Variants in HEMK2 observed in about 807,000 individuals in gnomAD.
HEMK2 encodes the protein HemK methyltransferase 2, ETF1 glutamine and histone H4 lysine.
the HEMK2 span, among the ~76,000 whole-genome samples, chr21:28,838,644 T>G: frequency 6.9e-6 from 1 of 145,224 alleles, no homozygotes; most frequent in Non-Finnish European, 1.5e-5. Context: ...CAACAATATA[T>G]AAAAAAGATC....
At chr21:28,883,870 C>T in the HEMK2 span, among the ~76,000 whole-genome samples, 17 of 152,116 alleles carry the variant, frequency 1.1e-4, no homozygotes, top group Non-Finnish European at 1.6e-4. Flanking sequence ...ACTATAGGCA[C>T]GAACCACAGT....
chr21:28,681,088 A>G, the HEMK2 span, among the ~76,000 whole-genome samples: 3 of 152,208 alleles, frequency 2.0e-5, no homozygotes, highest in African/African-American at 7.2e-5. Flanking sequence ...AGGGCATTCA[A>G]TTAGGAAAAG....
the HEMK2 span, among the ~76,000 whole-genome samples, chr21:28,863,640 C>G: frequency 2.0e-3 from 307 of 151,248 alleles, 4 homozygotes; most frequent in African/African-American, 7.2e-3. Context: ...AGGAAAAAGC[C>G]CTTACGTATA....
chr21:28,848,989 GCTGA>G, the HEMK2 span, among the ~76,000 whole-genome samples: 1 of 152,148 alleles, frequency 6.6e-6, no homozygotes. Context: ...CCCCACCCCA[GCTGA>G]CACGCATACA....
At chr21:28,658,838 C>T in the HEMK2 span, among the ~76,000 whole-genome samples, 1 of 152,044 alleles carries the variant, frequency 6.6e-6, no homozygotes, top group African/African-American at 2.4e-5. Flanking sequence ...TAGCACTTTA[C>T]GTTAATTGCT....
chr21:28,778,389 C>T, the HEMK2 span, among the ~76,000 whole-genome samples: 1 of 152,200 alleles, frequency 6.6e-6, no homozygotes, highest in Non-Finnish European at 1.5e-5. Context: ...CTTTTATACA[C>T]ATTCATCAAC....
the HEMK2 span, among the ~76,000 whole-genome samples, chr21:28,787,419 AACAGACAACCC>A: frequency 1.0e-5 from 1 of 99,958 alleles, no homozygotes; most frequent in Non-Finnish European, 2.0e-5. Context: ...CAGCAGAGTA[AACAGACAACCC>A]ACAGAGTGGG....
chr21:28,762,225 A>G, the HEMK2 span, among the ~76,000 whole-genome samples: 1 of 152,056 alleles, frequency 6.6e-6, no homozygotes, highest in Non-Finnish European at 1.5e-5. Flanking sequence ...TATTAATACC[A>G]TTATTGGCCC....
At chr21:28,855,188 A>T in the HEMK2 span, among the ~76,000 whole-genome samples, 5 of 150,800 alleles carry the variant, frequency 3.3e-5, no homozygotes, top group East Asian at 9.7e-4. Context: ...GCAAACAGTA[A>T]AAAAAAAAGC....
At chr21:28,702,914 G>A in the HEMK2 span, among the ~76,000 whole-genome samples, 3 of 152,244 alleles carry the variant, frequency 2.0e-5, no homozygotes, top group South Asian at 6.2e-4. Context: ...CAACCTAAAT[G>A]CCCATCAATG....
the HEMK2 span, among the ~76,000 whole-genome samples, chr21:28,772,177 T>C: frequency 6.6e-6 from 1 of 152,134 alleles, no homozygotes; most frequent in Non-Finnish European, 1.5e-5. Context: ...ACAAATCCCA[T>C]GGGCTTCAGT....
chr21:28,715,426 G>A, the HEMK2 span, among the ~76,000 whole-genome samples: 5 of 152,052 alleles, frequency 3.3e-5, no homozygotes, highest in East Asian at 9.7e-4. Context: ...ATATTTGTTG[G>A]CCACTTGTAT....
chr21:28,707,643 T>C, the HEMK2 span, among the ~76,000 whole-genome samples: 1 of 152,142 alleles, frequency 6.6e-6, no homozygotes, highest in Non-Finnish European at 1.5e-5. Context: ...GTTTTTCTAC[T>C]ACATTTAGTT....
the HEMK2 span, among the ~76,000 whole-genome samples, chr21:28,861,276 C>G: frequency 1 from 152,337 of 152,338 alleles, 76,168 homozygotes; most frequent in Middle Eastern, 1. Context: ...GGTGGGCATA[C>G]CTGCTGTAAT....
chr21:28,859,988 T>C, the HEMK2 span, among the ~76,000 whole-genome samples: 11 of 152,298 alleles, frequency 7.2e-5, no homozygotes, highest in South Asian at 2.3e-3. Flanking sequence ...GACCTTATTA[T>C]TGTCTTTATT....
the HEMK2 span, among the ~76,000 whole-genome samples, chr21:28,838,361 C>T: frequency 1.3e-5 from 2 of 151,686 alleles, no homozygotes; most frequent in South Asian, 2.1e-4. Flanking sequence ...GGTGAAACCC[C>T]GTCTCTACTA....
the HEMK2 span, among the ~76,000 whole-genome samples, chr21:28,865,252 G>A: frequency 6.6e-6 from 1 of 152,198 alleles, no homozygotes; most frequent in African/African-American, 2.4e-5. Context: ...TGCAACCTCC[G>A]CCTCCTGGGT....
At chr21:28,814,026 AG>A in the HEMK2 span, among the ~76,000 whole-genome samples, 1 of 152,154 alleles carries the variant, frequency 6.6e-6, no homozygotes, top group Non-Finnish European at 1.5e-5. Flanking sequence ...TCACGAGGTC[AG>A]GAGATTGAGA....
the HEMK2 span, among the ~76,000 whole-genome samples, chr21:28,699,891 T>C: frequency 1.3e-5 from 2 of 152,240 alleles, no homozygotes; most frequent in African/African-American, 2.4e-5. Context: ...ATTAATTTCA[T>C]TGAATTTTAC....
Sources: allele counts gnomAD v4.1 joint callset (sites outside exome capture counted in the v4.1 genomes callset), GRCh38; gene constraint gnomAD v4.1.1; transcripts MANE v1.5; gene names NCBI Gene and HGNC (gene_info 2026-07-23, HGNC 2026-07-21).